Variants in RANBP2 observed in about 807,000 individuals in gnomAD.
The protein encoded by RANBP2 is E3 SUMO-protein ligase RanBP2.
In RANBP2, 57 loss-of-function variants were observed where a neutral mutation model predicts 303.6. The observed-to-expected ratio is 0.19, with a 90% confidence interval of 0.15 to 0.23. The LOEUF (loss-of-function observed/expected upper bound fraction) is 0.23, where lower values mean the gene tolerates loss of function less well. RANBP2 is among the 10% of genes least tolerant of loss of function. The probability of loss-of-function intolerance (pLI) is 1.00; values close to 1 mark genes in which losing one functional copy is unlikely to be tolerated. For synonymous variants in RANBP2, 1,167 were observed against 1,301.5 expected, an observed-to-expected ratio of 0.90 and a Z score of 2.23; for missense variants, 3,138 against 3,780.8, an observed-to-expected ratio of 0.83 and a Z score of 4.46.
the RANBP2 span, among the ~76,000 whole-genome samples, chr2:109,359,860 A>G: frequency 6.6e-6 from 1 of 152,196 alleles, no homozygotes; most frequent in Admixed American, 6.5e-5. Flanking sequence ...AAGCACAACC[A>G]TAAAGGGTCA....
the RANBP2 span, among the ~76,000 whole-genome samples, chr2:109,440,326 C>T: frequency 6.6e-6 from 1 of 152,102 alleles, no homozygotes; most frequent in African/African-American, 2.4e-5. Context: ...GGCCAGGGGC[C>T]CATGGACGCT....
rs114998393 is a variant in RANBP2 at position 108,771,041 on chromosome 2, C to G, written c.7850-660C>G. ...CAGGTTGCATATAGAAGTTTTTTCT[C>G]TTTCTAATTTTTTGCCCTTTGCATT... is the stretch of plus-strand genomic sequence containing the variant. On this transcript the variant is annotated intron_variant, in intron 20 of 28. Transcript: ENST00000283195. Among the ~76,000 whole-genome samples, 190 of 152,094 alleles carry G rather than the reference C, an allele frequency of 1.2e-3. 1 individual carries two copies. The highest frequency in any genetic ancestry group is 4.2e-3 in the African/African-American group (176 of 41,492).
At chr2:109,551,792 T>G in the RANBP2 span, among the ~76,000 whole-genome samples, 4 of 152,198 alleles carry the variant, frequency 2.6e-5, no homozygotes, top group African/African-American at 9.7e-5. Context: ...GATTACAGAT[T>G]AACTCTTCAA....
the RANBP2 span, among the ~76,000 whole-genome samples, chr2:109,024,063 T>C: frequency 2.6e-5 from 4 of 152,150 alleles, no homozygotes; most frequent in Non-Finnish European, 5.9e-5. Flanking sequence ...GGAGCTGGGA[T>C]TACAGGCATG....
chr2:109,762,216 G>A, the RANBP2 span, among the ~76,000 whole-genome samples: 1 of 144,268 alleles, frequency 6.9e-6, no homozygotes, highest in African/African-American at 2.6e-5. Context: ...AGCCAGGGCA[G>A]AAAGAATATG....
chr2:108,992,262 G>C, the RANBP2 span, among the ~76,000 whole-genome samples: 1 of 152,216 alleles, frequency 6.6e-6, no homozygotes, highest in African/African-American at 2.4e-5. Context: ...TACTGTTCCA[G>C]TTGCTGGGTA....
chr2:109,680,795 C>T, the RANBP2 span, among the ~76,000 whole-genome samples: 15 of 152,158 alleles, frequency 9.9e-5, no homozygotes, highest in African/African-American at 3.6e-4. Flanking sequence ...AGAAGTAGGA[C>T]TGTGCACCCA....
At chr2:109,593,924 T>C in the RANBP2 span, among the ~76,000 whole-genome samples, 2 of 152,234 alleles carry the variant, frequency 1.3e-5, no homozygotes, top group Admixed American at 1.3e-4. Context: ...TCATTAAGTT[T>C]ATTTTCTTAT....
the RANBP2 span, among the ~76,000 whole-genome samples, chr2:109,570,391 G>T: frequency 6.6e-6 from 1 of 152,216 alleles, no homozygotes; most frequent in South Asian, 2.1e-4. Context: ...TGTGGGTTCT[G>T]CATCCACAGA....
At chr2:109,657,711 TGA>T in the RANBP2 span, among the ~76,000 whole-genome samples, 1,170 of 120,822 alleles carry the variant, frequency 9.7e-3, 31 homozygotes, top group East Asian at 0.032. Flanking sequence ...ATGAATTAGC[TGA>T]GTTTTTTTTT....
chr2:109,340,791 G>A, the RANBP2 span, among the ~76,000 whole-genome samples: 1 of 152,286 alleles, frequency 6.6e-6, no homozygotes, highest in East Asian at 1.9e-4. Flanking sequence ...GGAAAACTAA[G>A]CCCAAGGTAC....
chr2:109,176,060 C>T, the RANBP2 span, among the ~76,000 whole-genome samples: 14 of 152,274 alleles, frequency 9.2e-5, no homozygotes, highest in Middle Eastern at 6.8e-3. Context: ...GGGCCTAGCT[C>T]CTTTGGGTTT....
the RANBP2 span, among the ~76,000 whole-genome samples, chr2:109,152,008 T>C: frequency 6.6e-6 from 1 of 152,228 alleles, no homozygotes; most frequent in African/African-American, 2.4e-5. Context: ...ACCCAGCTGA[T>C]TATTTAAATT....
At chr2:109,650,360 G>A in the RANBP2 span, among the ~76,000 whole-genome samples, 2 of 152,210 alleles carry the variant, frequency 1.3e-5, no homozygotes, top group Admixed American at 1.3e-4. Context: ...ACAAAAAGTG[G>A]AGGTGAAGCC....
At chr2:109,031,200 G>A in the RANBP2 span, among the ~76,000 whole-genome samples, 25 of 152,072 alleles carry the variant, frequency 1.6e-4, no homozygotes, top group Non-Finnish European at 2.6e-4. Context: ...CCTTTTCACC[G>A]TGCTGGAGGC....
chr2:108,934,546 C>T, the RANBP2 span, among the ~76,000 whole-genome samples: 3 of 152,172 alleles, frequency 2.0e-5, no homozygotes, highest in South Asian at 2.1e-4. Flanking sequence ...CAGAATACCA[C>T]GGACTGGCTA....
chr2:109,252,254 G>GAA, the RANBP2 span, among the ~76,000 whole-genome samples: 7,343 of 144,260 alleles, frequency 0.051, 501 homozygotes, highest in African/African-American at 0.16. Flanking sequence ...TCTCAGAGGA[G>GAA]AAAAAAAAAA....
At chr2:109,021,488 C>CTCCAGCA in the RANBP2 span, among the ~76,000 whole-genome samples, 2 of 149,384 alleles carry the variant, frequency 1.3e-5, no homozygotes, top group African/African-American at 4.9e-5. Context: ...GCGCCACTGC[C>CTCCAGCA]CTCCAGCCTG....
the RANBP2 span, among the ~76,000 whole-genome samples, chr2:109,610,095 G>GTTT: frequency 7.0e-6 from 1 of 143,432 alleles, no homozygotes; most frequent in Non-Finnish European, 1.5e-5. Flanking sequence ...TCCCTGAGGT[G>GTTT]TTTTTTTTTT....
Sources: allele counts gnomAD v4.1 joint callset (sites outside exome capture counted in the v4.1 genomes callset), GRCh38; gene constraint gnomAD v4.1.1; transcripts MANE v1.5; gene names NCBI Gene and HGNC (gene_info 2026-07-23, HGNC 2026-07-21).